Variants in KSR1 observed in about 807,000 individuals in gnomAD.
The protein encoded by KSR1 is kinase suppressor of ras 1, also known as kinase suppressor of ras.
Under a neutral mutation model 92.9 loss-of-function variants are expected in KSR1, and 35 were observed. That is an observed-to-expected ratio of 0.38 (90% CI 0.29 to 0.50). KSR1 has a LOEUF of 0.50. Ranked by LOEUF, KSR1 falls within the 20% of genes least tolerant of loss-of-function variation. The pLI is 0.94. For synonymous variants in KSR1, 467 were observed against 472.6 expected (o/e 0.99, Z 0.15); for missense variants, 972 against 1,158.5 (o/e 0.84, Z 2.34).
At chr17:27,594,204 C>T (rs1428137552) in intron 9 of KSR1, among the ~76,000 whole-genome samples, 2 of 152,182 alleles carry the variant, frequency 1.3e-5, no homozygotes, top group African/African-American at 4.8e-5. Flanking sequence ...ACTAATGCTT[C>T]ATTCACAGGG....
At chr17:27,470,240 G>GTT (rs546302787) in intron 1 of KSR1, among the ~76,000 whole-genome samples, 62 of 114,378 alleles carry the variant, frequency 5.4e-4, no homozygotes, top group Middle Eastern at 4.4e-3. Flanking sequence ...TTTTGTTTGT[G>GTT]TTTTTTTTTT....
Position 27,577,593 on chromosome 17 carries a change from C to T in KSR1, c.474C>T (p.Gly158=). The change falls in exon 3 of 21, where the codon GGC becomes GGT. Residue 158 remains glycine, a synonymous_variant. Transcript: ENST00000644974. This position sits in a 1 kb window ranked among gnomAD's most constrained non-coding sequence, Gnocchi z 4.5. ...GTGGGGCCAGCGGGGATGAGTGTGG[C>T]CGTCTGCAGTATGCCCTCACCTGCC... ...RRCGASGDEC[G]RLQYALTCLR... The T allele has an allele frequency of 6.3e-7, 1 of 1,599,874 alleles. No individual in the cohort carries two copies. Among genetic ancestry groups the T allele is most frequent in the Non-Finnish European group, 8.5e-7 (1 of 1,176,954 alleles).
chr17:27,566,428 C>T (rs754055425), intron 2 of KSR1: 3 of 399,194 alleles, frequency 7.5e-6, no homozygotes, highest in South Asian at 1.3e-4. Flanking sequence ...CCAGGGCTGC[C>T]GGGGACCCTG....
intron 9 of KSR1, among the ~76,000 whole-genome samples, chr17:27,595,427 T>C (rs534794674): frequency 2.3e-4 from 35 of 152,378 alleles, no homozygotes; most frequent in Non-Finnish European, 4.3e-4. Context: ...GCAGTAACGC[T>C]CTGACATAGG....
Position 27,577,127 on chromosome 17 carries a change from T to G in KSR1, c.373-365T>G, listed in dbSNP as rs548843278. On this transcript the variant is annotated intron_variant, in intron 2 of 20. Coordinates refer to ENST00000644974, the MANE Select transcript of KSR1 (RefSeq NM_001394583.1). The surrounding 1 kb of genome is among the most constrained non-coding windows in gnomAD (Gnocchi z 4.5). ...TTATCTGATTCAGATACAACAAAAT[T>G]GTGAAGGGCCATCTTTGTCTGAAGT... is the stretch of plus-strand genomic sequence containing the variant. Among the ~76,000 whole-genome samples, 3 of 152,216 alleles carry G rather than the reference T, an allele frequency of 2.0e-5. No homozygotes were observed. In the East Asian group the frequency reaches 5.8e-4, roughly 29 times the overall value.
At chr17:27,549,001 C>T (rs2071291787) in intron 1 of KSR1, among the ~76,000 whole-genome samples, 1 of 152,138 alleles carries the variant, frequency 6.6e-6, no homozygotes, top group Non-Finnish European at 1.5e-5. Flanking sequence ...CTCCAGTGAG[C>T]ATTTCTTTGG....
chr17:27,457,877 A>G (rs2019254320), intron 1 of KSR1, among the ~76,000 whole-genome samples: 1 of 151,442 alleles, frequency 6.6e-6, no homozygotes, highest in South Asian at 2.1e-4. Flanking sequence ...GTTTTGTTTT[A>G]TTAGATCCTC....
intron 1 of KSR1, among the ~76,000 whole-genome samples, chr17:27,541,041 GGGACCACTGGAA>G (rs1397427057): frequency 6.6e-6 from 1 of 152,252 alleles, no homozygotes; most frequent in Non-Finnish European, 1.5e-5. Context: ...AGCAGCTTCA[GGGACCACTGGAA>G]TGAAGGCTGG....
At chr17:27,531,945 A>C (rs1041641877) in intron 1 of KSR1, among the ~76,000 whole-genome samples, 2 of 152,234 alleles carry the variant, frequency 1.3e-5, no homozygotes, top group South Asian at 4.1e-4. Context: ...CGCTCACAGC[A>C]GGTTGAACCC....
chr17:27,621,802 TTCTC>T (rs2074230884), intron 20 of KSR1: 2 of 873,060 alleles, frequency 2.3e-6, no homozygotes, highest in Non-Finnish European at 3.7e-6. Flanking sequence ...GGATGGCCCT[TTCTC>T]TCTGGAAGAG....
At chr17:27,471,499 C>A (rs907784271) in intron 1 of KSR1, among the ~76,000 whole-genome samples, 2 of 152,104 alleles carry the variant, frequency 1.3e-5, no homozygotes, top group African/African-American at 4.8e-5. Flanking sequence ...TGTGCAAGAG[C>A]CCTGAGGCAG....
rs566762394 is a variant in KSR1, at chr17:27,485,521, A to T, written c.231+28647A>T. ...GAGGGGACACAGGGCTATGTCTTTCACAGTGGGTTTATTATAAATGAAATA... is the reference window on the plus strand; with the variant it reads ...GAGGGGACACAGGGCTATGTCTTTCTCAGTGGGTTTATTATAAATGAAATA... On this transcript the variant is annotated intron_variant, in intron 1 of 20. Transcript: ENST00000644974. 2.0e-5 allele frequency among the ~76,000 whole-genome samples: 3 copies of T among 152,326 alleles called. No homozygotes were observed. The South Asian group carries it at 6.2e-4, about 32-fold the overall frequency.
chr17:27,506,731 C>T (rs1343175178), intron 1 of KSR1, among the ~76,000 whole-genome samples: 2 of 119,752 alleles, frequency 1.7e-5, no homozygotes, highest in Non-Finnish European at 3.2e-5. Flanking sequence ...AGTGTTGGTT[C>T]AGCTCCCTAG....
At chr17:27,513,140 A>T (rs1244130008) in intron 1 of KSR1, among the ~76,000 whole-genome samples, 4 of 152,182 alleles carry the variant, frequency 2.6e-5, no homozygotes, top group Non-Finnish European at 5.9e-5. Flanking sequence ...GGTTTCTTTC[A>T]TGCAACATTG....
chr17:27,608,842 T>C (rs1434439614), intron 15 of KSR1, among the ~76,000 whole-genome samples: 1 of 152,168 alleles, frequency 6.6e-6, no homozygotes, highest in African/African-American at 2.4e-5. Context: ...ATTTAGGCCC[T>C]TTATGACTGT....
chr17:27,548,918 T>C (rs749135986), intron 1 of KSR1, among the ~76,000 whole-genome samples: 41 of 152,188 alleles, frequency 2.7e-4, no homozygotes, highest in Non-Finnish European at 4.7e-4. Context: ...TTTGGATTTT[T>C]TAGAATTCTG....
chr17:27,484,881 A>G (rs2068619065), intron 1 of KSR1, among the ~76,000 whole-genome samples: 1 of 152,250 alleles, frequency 6.6e-6, no homozygotes, highest in Non-Finnish European at 1.5e-5. Flanking sequence ...GGTACATCAA[A>G]TCTGTAAAAT....
intron 2 of KSR1, among the ~76,000 whole-genome samples, chr17:27,573,351 T>A (rs544487160): frequency 6.6e-6 from 1 of 152,232 alleles, no homozygotes; most frequent in Admixed American, 6.5e-5. Flanking sequence ...TTGCCATTGC[T>A]GCCGTTGGGT....
chr17:27,470,846 C>G (rs758637900), intron 1 of KSR1, among the ~76,000 whole-genome samples: 7 of 151,158 alleles, frequency 4.6e-5, no homozygotes, highest in Non-Finnish European at 7.4e-5. Flanking sequence ...TGCTATTTCT[C>G]TCTTCTGTGC....
Sources: gnomAD v4.1 joint callset for allele counts (sites outside exome capture counted in the v4.1 genomes callset) on GRCh38, gnomAD v4.1.1 for gene constraint, Gnocchi (gnomAD v3.1) non-coding constraint, MANE v1.5 for transcripts, NCBI Gene and HGNC (gene_info 2026-07-23, HGNC 2026-07-21) for gene names.